TSPEAR: variants seen among roughly 807,000 people sequenced by gnomAD.
TSPEAR encodes the protein thrombospondin-type laminin G domain and EAR repeat-containing protein.
TSPEAR carries 69 observed loss-of-function variants against 71.6 expected under a neutral mutation model. That is an observed-to-expected ratio of 0.96 (90% CI 0.79 to 1.18). The LOEUF (loss-of-function observed/expected upper bound fraction) is 1.18, where lower values mean the gene tolerates loss of function less well. TSPEAR is among the 50% of genes most tolerant of loss of function. The pLI is 0.00. For missense variants in TSPEAR, 971 were observed against 894.9 expected (o/e 1.09, Z -1.09); for synonymous variants, 402 against 387.2 (o/e 1.04, Z -0.45).
chr21:44,552,479 C>T (rs1290436523), intron 2 of TSPEAR, among the ~76,000 whole-genome samples: 3 of 152,094 alleles, frequency 2.0e-5, no homozygotes, highest in Non-Finnish European at 4.4e-5. Flanking sequence ...TCATGGTGGC[C>T]CAGAAAGCCT....
chr21:44,544,762 A>C (rs2053273662), intron 2 of TSPEAR, among the ~76,000 whole-genome samples: 1 of 152,102 alleles, frequency 6.6e-6, no homozygotes, highest in Non-Finnish European at 1.5e-5. Flanking sequence ...ACAGACCAGG[A>C]GAATGGCCAG....
chr21:44,533,377 C>T (rs2053012393), intron 3 of TSPEAR, among the ~76,000 whole-genome samples: 1 of 152,182 alleles, frequency 6.6e-6, no homozygotes, highest in African/African-American at 2.4e-5. Context: ...TCATGAATGG[C>T]TCTTGCCCCC....
chr21:44,709,641 C>T (rs1555953204), intron 1 of TSPEAR, among the ~76,000 whole-genome samples: 2 of 152,270 alleles, frequency 1.3e-5, no homozygotes. Flanking sequence ...TGGGCACAGA[C>T]TCAGGGAGCA....
intron 9 of TSPEAR, chr21:44,517,356 G>A (rs1555913579): frequency 6.1e-6 from 1 of 163,460 alleles, no homozygotes; most frequent in Non-Finnish European, 1.3e-5. Context: ...AGACTGACAG[G>A]AGACTGGGTC....
rs1026439167 is a variant in TSPEAR at position 44,687,211 on chromosome 21, G to A, written c.82+24222C>T. ...GAGGCTGGATTGGGGCCACTGAGGCGGTGTGACAGGGAGGTAGATTTCAGC... is the reference window on the plus strand; with the variant it reads ...GAGGCTGGATTGGGGCCACTGAGGCAGTGTGACAGGGAGGTAGATTTCAGC... On this transcript the variant is annotated intron_variant, in intron 1 of 11. Coordinates refer to ENST00000323084, the MANE Select transcript of TSPEAR (RefSeq NM_144991.3). The surrounding 1 kb of genome is among the most constrained non-coding windows in gnomAD (Gnocchi z 4.4). 6.6e-6 allele frequency among the ~76,000 whole-genome samples: 1 copy of A among 152,126 alleles called. No individual in the cohort carries two copies. Among genetic ancestry groups the A allele is most frequent in the Non-Finnish European group, 1.5e-5 (1 of 68,008 alleles).
intron 1 of TSPEAR, chr21:44,666,192 A>T (rs781934722): frequency 2.0e-6 from 1 of 495,666 alleles, no homozygotes; most frequent in Non-Finnish European, 3.5e-6. Flanking sequence ...GCAGAGCTGC[A>T]TGGGGAAAGC....
intron 1 of TSPEAR, chr21:44,654,524 A>T: frequency 6.2e-7 from 1 of 1,612,994 alleles, no homozygotes; most frequent in Non-Finnish European, 8.5e-7. Context: ...GAGGTCCCAT[A>T]GCCCTCGGGT....
intron 2 of TSPEAR, chr21:44,558,462 C>T (rs375452270): frequency 3.7e-6 from 6 of 1,613,954 alleles, no homozygotes; most frequent in Non-Finnish European, 5.1e-6. Context: ...AGCTGGCTGG[C>T]AGCTAGACTG....
chr21:44,692,848 T>C (rs1555949935), intron 1 of TSPEAR, among the ~76,000 whole-genome samples: 1 of 151,344 alleles, frequency 6.6e-6, no homozygotes, highest in Non-Finnish European at 1.5e-5. Flanking sequence ...TTTCCAGAAA[T>C]GAAAAAGCTG....
At chr21:44,514,126 G>C (rs1019822400) in intron 9 of TSPEAR, among the ~76,000 whole-genome samples, 1 of 152,132 alleles carries the variant, frequency 6.6e-6, no homozygotes, top group African/African-American at 2.4e-5. Context: ...GAGCCCTCCC[G>C]CCCAGGCTCT....
At chr21:44,641,349 T>A (rs1196559929) in intron 1 of TSPEAR, among the ~76,000 whole-genome samples, 1 of 152,152 alleles carries the variant, frequency 6.6e-6, no homozygotes, top group African/African-American at 2.4e-5. Context: ...ACTGAAAGCA[T>A]GACACTCTCA....
In TSPEAR at chr21:44,646,507, T is replaced by C. The variant is rs782073460; in HGVS notation, c.82+64926A>G. ...CTGCTCCAGCGCTTACTCCGACTCC[T>C]GGCAGGTGGACGACTGCCCAGAGAG... On this transcript the variant is annotated intron_variant, in intron 1 of 11. Coordinates refer to ENST00000323084, the MANE Select transcript of TSPEAR (RefSeq NM_144991.3). 1.1e-5 allele frequency: 17 copies of C among 1,612,972 alleles called. 1 individual carries two copies. In the Admixed American group the frequency reaches 2.7e-4, roughly 25 times the overall value.
intron 2 of TSPEAR, among the ~76,000 whole-genome samples, chr21:44,543,836 T>C (rs965168017): frequency 4.6e-5 from 7 of 152,206 alleles, no homozygotes; most frequent in Non-Finnish European, 1.0e-4. Context: ...CTAAGAACTA[T>C]GACAGAATAA....
rs7509934 is a variant in TSPEAR at position 44,579,607 on chromosome 21, T to G, written c.83-11602A>C. ...GCTGGGAGGCAGGAGCTGGGGAGCT[T>G]CGAGGATGGAGATTCCTGGGAGTAT... is the stretch of plus-strand genomic sequence containing the variant. On this transcript the variant is annotated intron_variant, in intron 1 of 11. Coordinates refer to ENST00000323084, the MANE Select transcript of TSPEAR (RefSeq NM_144991.3). The G allele has an allele frequency of 8.2e-3, 7,912 of 961,150 alleles. 285 individuals carry two copies. In the African/African-American group the frequency reaches 0.092, roughly 11 times the overall value. The allele number at this position is 961,150 out of a possible 1,614,324, so 59.5% of individuals were successfully genotyped here.
Position 44,612,049 on chromosome 21 carries a change from C to G in TSPEAR, c.83-44044G>C. 1.9e-6 allele frequency: 3 copies of G among 1,569,930 alleles called. No individual in the cohort carries two copies. Among genetic ancestry groups the G allele is most frequent in the Non-Finnish European group, 2.6e-6 (3 of 1,150,400 alleles). On this transcript the variant is annotated intron_variant, in intron 1 of 11. Transcript: ENST00000323084. This position sits in a 1 kb window ranked among gnomAD's most constrained non-coding sequence, Gnocchi z 4.1. ...ATAAAACCTCAGCAGCCAGGGCACA[C>G]AAACCCACACACCTCACACCAGCAC...
chr21:44,700,754 G>A (rs949300912), intron 1 of TSPEAR, among the ~76,000 whole-genome samples: 13 of 152,170 alleles, frequency 8.5e-5, no homozygotes, highest in African/African-American at 1.7e-4. Flanking sequence ...GGAAATTCAG[G>A]TGTCACTGTT....
At chr21:44,559,897 G>T (rs2053608373) in intron 2 of TSPEAR, among the ~76,000 whole-genome samples, 1 of 152,176 alleles carries the variant, frequency 6.6e-6, no homozygotes, top group African/African-American at 2.4e-5. Context: ...TGAGTGCTTG[G>T]TGGGGGCCCA....
chr21:44,636,920 CG>C (rs147798640), intron 1 of TSPEAR, among the ~76,000 whole-genome samples: 7,466 of 152,308 alleles, frequency 0.049, 621 homozygotes, highest in African/African-American at 0.17. Context: ...TCCCAGAGCC[CG>C]CCAGGAAGCG....
intron 1 of TSPEAR, among the ~76,000 whole-genome samples, chr21:44,616,943 C>A (rs587720939): frequency 6.6e-6 from 1 of 152,344 alleles, no homozygotes; most frequent in African/African-American, 2.4e-5. Context: ...CTGGGAGGAA[C>A]ACGTGCCACA....
Sources: allele counts gnomAD v4.1 joint callset (sites outside exome capture counted in the v4.1 genomes callset), GRCh38; gene constraint gnomAD v4.1.1; non-coding constraint Gnocchi (gnomAD v3.1); transcripts MANE v1.5; gene names NCBI Gene and HGNC (gene_info 2026-07-23, HGNC 2026-07-21).